The following RBFOX1 variants were observed in gnomAD, a reference collection of about 807,000 sequenced individuals.
RBFOX1 encodes RNA binding protein fox-1 homolog 1.
A neutral mutation model predicts 57.7 loss-of-function variants in RBFOX1; 8 were observed. The ratio of observed to expected loss-of-function variants is 0.14; its 90% CI spans 0.08 to 0.25. The LOEUF is 0.25. Ranked by LOEUF, RBFOX1 falls within the 10% of genes least tolerant of loss-of-function variation. The probability of loss-of-function intolerance (pLI) is 1.00; values close to 1 mark genes in which losing one functional copy is unlikely to be tolerated. For missense variants in RBFOX1, 611 were observed against 548.5 expected, an observed-to-expected ratio of 1.11 and a Z score of -1.14; for synonymous variants, 326 against 222.4, an observed-to-expected ratio of 1.47 and a Z score of -4.15.
At chr16:5,655,268 G>A (rs1490322550) in intron 3 of RBFOX1, among the ~76,000 whole-genome samples, 1 of 152,220 alleles carries the variant, frequency 6.6e-6, no homozygotes, top group Non-Finnish European at 1.5e-5. Context: ...CAGGAAACAT[G>A]TTCTATGATT....
chr16:7,464,209 A>G (rs907593178), intron 4 of RBFOX1, among the ~76,000 whole-genome samples: 1 of 152,152 alleles, frequency 6.6e-6, no homozygotes, highest in Non-Finnish European at 1.5e-5. Context: ...TTGCTCAATG[A>G]TTGTGTGTGC....
At chr16:7,547,584 G>A (rs2084949172) in intron 5 of RBFOX1, among the ~76,000 whole-genome samples, 2 of 152,192 alleles carry the variant, frequency 1.3e-5, no homozygotes, top group African/African-American at 2.4e-5. Context: ...ATAGTCAGTT[G>A]ACCACACTGC....
intron 4 of RBFOX1, among the ~76,000 whole-genome samples, chr16:5,989,126 C>G (rs1273804706): frequency 6.6e-6 from 1 of 151,266 alleles, no homozygotes; most frequent in African/African-American, 2.4e-5. Context: ...CGAGACCATC[C>G]TGACTAACAC....
chr16:7,006,439 C>G (rs901834423), intron 3 of RBFOX1, among the ~76,000 whole-genome samples: 1 of 152,148 alleles, frequency 6.6e-6, no homozygotes, highest in Non-Finnish European at 1.5e-5. Context: ...AGGCTTGAGC[C>G]ACTGCGCCCG....
intron 3 of RBFOX1, among the ~76,000 whole-genome samples, chr16:6,888,950 C>CT (rs1278839909): frequency 6.6e-6 from 1 of 152,152 alleles, no homozygotes; most frequent in East Asian, 1.9e-4. Context: ...CACTTACTTA[C>CT]TGTAGGTATG....
intron 3 of RBFOX1, among the ~76,000 whole-genome samples, chr16:5,825,637 G>A (rs1258771424): frequency 6.6e-6 from 1 of 152,182 alleles, no homozygotes; most frequent in Non-Finnish European, 1.5e-5. Flanking sequence ...GACGTTGACA[G>A]CGTTGTACAG....
chr16:5,706,083 G>T (rs1197076548), intron 3 of RBFOX1, among the ~76,000 whole-genome samples: 1 of 152,124 alleles, frequency 6.6e-6, no homozygotes, highest in Non-Finnish European at 1.5e-5. Flanking sequence ...GCTAATTTTT[G>T]TATTTTTAGT....
chr16:5,299,005 A>T (rs913322277), intron 1 of RBFOX1, among the ~76,000 whole-genome samples: 10 of 139,164 alleles, frequency 7.2e-5, no homozygotes, highest in African/African-American at 1.9e-4. Context: ...ACTTGCATAC[A>T]CCCACACAAC....
At chr16:5,386,171 G>C (rs1231495771) in intron 1 of RBFOX1, among the ~76,000 whole-genome samples, 1 of 151,600 alleles carries the variant, frequency 6.6e-6, no homozygotes, top group Non-Finnish European at 1.5e-5. Context: ...AGAGGTCAAA[G>C]CTAGCAATAA....
chr16:7,378,750 G>T (rs1033061130), intron 4 of RBFOX1, among the ~76,000 whole-genome samples: 9 of 152,096 alleles, frequency 5.9e-5, no homozygotes, highest in African/African-American at 2.2e-4. Context: ...TTTCTCAATG[G>T]CTGATCTAAG....
At chr16:6,757,166 G>C (rs1237860966) in intron 3 of RBFOX1, among the ~76,000 whole-genome samples, 5 of 152,146 alleles carry the variant, frequency 3.3e-5, no homozygotes, top group Admixed American at 1.3e-4. Flanking sequence ...CAAGGATGTG[G>C]AGAAAAGGGA....
chr16:7,511,743 T>C (rs920323619), intron 4 of RBFOX1, among the ~76,000 whole-genome samples: 5 of 152,224 alleles, frequency 3.3e-5, no homozygotes, highest in Non-Finnish European at 5.9e-5. Context: ...ATCATCCTGC[T>C]GTCGTTGAGT....
rs750275273 is a variant in RBFOX1, at chr16:6,407,545, G to GTA, written c.-64+90489_-64+90490insAT. Among the ~76,000 whole-genome samples the GTA allele has an allele frequency of 3.5e-3, 271 of 78,040 alleles. 3 individuals are homozygous for GTA. Among genetic ancestry groups the GTA allele is most frequent in the African/African-American group, 0.014 (196 of 13,596 alleles). 51.2% of individuals were successfully genotyped at this position (78,040 alleles called of 152,430 possible). On this transcript the variant is annotated intron_variant, in intron 2 of 15. Coordinates refer to ENST00000550418, the MANE Select transcript of RBFOX1 (RefSeq NM_018723.4). ...GAGAAAGAGGGAAGGAGAGGGGTGT[G>GTA]TGTGTGTGTGTGTGTGTGTGTGACA...
chr16:6,274,472 T>C (rs1379652298), intron 1 of RBFOX1, among the ~76,000 whole-genome samples: 1 of 152,152 alleles, frequency 6.6e-6, no homozygotes, highest in Non-Finnish European at 1.5e-5. Context: ...GTAAAATTCT[T>C]GAGATGACAA....
intron 3 of RBFOX1, among the ~76,000 whole-genome samples, chr16:6,706,443 C>T (rs942662991): frequency 6.6e-5 from 10 of 152,204 alleles, no homozygotes; most frequent in African/African-American, 2.2e-4. Context: ...GCCTCCCCTT[C>T]CAGCTTTGGA....
At chr16:6,532,457 G>T (rs2096671995) in intron 2 of RBFOX1, among the ~76,000 whole-genome samples, 1 of 152,104 alleles carries the variant, frequency 6.6e-6, no homozygotes, top group Non-Finnish European at 1.5e-5. Context: ...ATGTATGGAG[G>T]ACCCTCCAGT....
intron 3 of RBFOX1, among the ~76,000 whole-genome samples, chr16:6,847,395 C>T (rs997564290): frequency 4.6e-5 from 7 of 151,848 alleles, no homozygotes; most frequent in Non-Finnish European, 8.8e-5. Context: ...ATTCTGGGGC[C>T]GGGTCTAGGG....
intron 4 of RBFOX1, among the ~76,000 whole-genome samples, chr16:7,338,198 C>A (rs923403678): frequency 6.6e-6 from 1 of 152,074 alleles, no homozygotes; most frequent in Non-Finnish European, 1.5e-5. Flanking sequence ...CCCTAATGCT[C>A]TCCCCACCCC....
intron 4 of RBFOX1, among the ~76,000 whole-genome samples, chr16:7,344,793 C>A (rs1389482316): frequency 6.6e-6 from 1 of 152,236 alleles, no homozygotes; most frequent in Admixed American, 6.5e-5. Context: ...AGCCCGTCCT[C>A]CCGCAGACCA....
Sources: allele counts gnomAD v4.1 joint callset (sites outside exome capture counted in the v4.1 genomes callset), GRCh38; gene constraint gnomAD v4.1.1; transcripts MANE v1.5; gene names NCBI Gene and HGNC (gene_info 2026-07-23, HGNC 2026-07-21).